Variants in NRG1 observed in about 807,000 individuals in gnomAD.
The protein encoded by NRG1 is pro-neuregulin-1, membrane-bound isoform.
NRG1 carries 18 observed loss-of-function variants against 63.8 expected under a neutral mutation model. That is an observed-to-expected ratio of 0.28 (90% CI 0.19 to 0.42). The LOEUF is 0.42. NRG1 is among the 10% of genes least tolerant of loss of function. The pLI, the probability that NRG1 is intolerant of heterozygous loss-of-function variation, is 1.00. For missense variants in NRG1, 762 were observed against 814.7 expected (o/e 0.94, Z 0.79); for synonymous variants, 302 against 301.3 (o/e 1.00, Z -0.02).
In NRG1 at chr8:32,733,255, A is replaced by G. The variant is rs1824189920; in HGVS notation, c.632+5177A>G. 1.3e-5 allele frequency among the ~76,000 whole-genome samples: 2 copies of G among 152,210 alleles called. 1 individual carries two copies. The highest frequency in any genetic ancestry group is 4.1e-4 in the South Asian group (2 of 4,834). ...CCTTATAATGCAAAAACAACAAAAA[A>G]CAAACTAAATTTGGAAAGATGGAAG... On this transcript the variant is annotated intron_variant, in intron 6 of 11. Coordinates refer to ENST00000356819, the Ensembl canonical transcript of NRG1.
At chr8:32,605,572 C>T in exon 3 of NRG1, 1 of 1,613,224 alleles carries the variant, frequency 6.2e-7, no homozygotes, top group Non-Finnish European at 8.5e-7. Flanking sequence ...GAAGTCAGAA[C>T]TTCGCATTAA....
chr8:31,761,981 T>A (rs2131522572), intron 1 of NRG1, among the ~76,000 whole-genome samples: 1 of 152,326 alleles, frequency 6.6e-6, no homozygotes, highest in African/African-American at 2.4e-5. Flanking sequence ...CACCATTATG[T>A]CTTCTGTGAA....
At position 31,903,209 on chromosome 8, in the gene NRG1, C is replaced by T. The variant is rs144847516; in HGVS notation, c.37+263778C>T. Among the ~76,000 whole-genome samples, 1,220 of 139,818 alleles carry T rather than the reference C, an allele frequency of 8.7e-3. 8 individuals are homozygous for T. The highest frequency in any genetic ancestry group is 0.05 in the Middle Eastern group (11 of 218). 91.7% of individuals were successfully genotyped at this position (139,818 alleles called of 152,430 possible). ...TGTTGCCCAGGCTGAAGTGCAGTGG[C>T]GCAATCTCGGCTCACTGCAAGCTCT... On this transcript the variant is annotated intron_variant, in intron 1 of 10. Coordinates refer to the NRG1 transcript ENST00000519301.
rs560821644 is a variant in NRG1, at chr8:32,721,782, C to T, written c.503-6167C>T. On this transcript the variant is annotated intron_variant, in intron 5 of 11. Transcript: ENST00000356819. ...AACCTTTCCTTTGGAAAACTAATGA[C>T]TCCACCTATCATTCCCTTGGCATCT... 63 of 1,220,266 alleles carry T rather than the reference C, an allele frequency of 5.2e-5. 1 individual carries two copies. The African/African-American group carries it at 8.3e-4, about 16-fold the overall frequency. The allele number at this position is 1,220,266 out of a possible 1,614,324, so 75.6% of individuals were successfully genotyped here.
chr8:32,039,184 C>A (rs1819537632), intron 1 of NRG1, among the ~76,000 whole-genome samples: 1 of 152,060 alleles, frequency 6.6e-6, no homozygotes, highest in Non-Finnish European at 1.5e-5. Flanking sequence ...TAATAATAAT[C>A]CACAGGCTTA....
intron 1 of NRG1, among the ~76,000 whole-genome samples, chr8:32,015,117 A>G (rs1337692387): frequency 6.6e-6 from 1 of 152,128 alleles, no homozygotes; most frequent in African/African-American, 2.4e-5. Flanking sequence ...TAGTGCTTGT[A>G]ATGTCAGCCC....
chr8:32,339,996 C>T (rs1803850853), intron 1 of NRG1, among the ~76,000 whole-genome samples: 1 of 151,982 alleles, frequency 6.6e-6, no homozygotes, highest in Admixed American at 6.6e-5. Flanking sequence ...GGAATGACTG[C>T]AAGATAACTT....
chr8:32,315,728 C>T (rs540062070), intron 1 of NRG1, among the ~76,000 whole-genome samples: 48 of 152,296 alleles, frequency 3.2e-4, no homozygotes, highest in Middle Eastern at 3.4e-3. Context: ...TGTAACTCTA[C>T]GTGATGTGTG....
chr8:31,881,733 C>T (rs780126972), intron 1 of NRG1, among the ~76,000 whole-genome samples: 1 of 152,110 alleles, frequency 6.6e-6, no homozygotes, highest in Non-Finnish European at 1.5e-5. Context: ...ATTCTAATTG[C>T]TGATATGGAG....
At chr8:32,548,575 A>C in exon 1 of NRG1, 1 of 1,295,192 alleles carries the variant, frequency 7.7e-7, no homozygotes, top group East Asian at 3.2e-5. Flanking sequence ...CCTGCAGGCA[A>C]CGGGAGACGC....
intron 1 of NRG1, among the ~76,000 whole-genome samples, chr8:31,819,456 C>T (rs1313200966): frequency 1.3e-5 from 2 of 152,144 alleles, no homozygotes; most frequent in African/African-American, 4.8e-5. Context: ...AAATAACATA[C>T]ATTTTATGGC....
intron 1 of NRG1, among the ~76,000 whole-genome samples, chr8:32,203,279 A>G (rs1397350791): frequency 6.6e-6 from 1 of 150,490 alleles, no homozygotes; most frequent in Non-Finnish European, 1.5e-5. Flanking sequence ...AGAAGAAGAA[A>G]GGAAGAGAGA....
chr8:32,546,334 T>A (rs570740460), upstream of NRG1, among the ~76,000 whole-genome samples: 1 of 152,114 alleles, frequency 6.6e-6, no homozygotes, highest in African/African-American at 2.4e-5. Context: ...GAAAATCTTA[T>A]TTTTTAAAAA....
intron 1 of NRG1, among the ~76,000 whole-genome samples, chr8:31,947,016 T>TA (rs1802650497): frequency 6.6e-6 from 1 of 152,062 alleles, no homozygotes; most frequent in Non-Finnish European, 1.5e-5. Context: ...AAAGAATGGA[T>TA]ATGGCCGGGC....
chr8:31,709,707 A>C (rs1811545656), intron 1 of NRG1, among the ~76,000 whole-genome samples: 1 of 152,002 alleles, frequency 6.6e-6, no homozygotes, highest in Admixed American at 6.5e-5. Flanking sequence ...AAAATTACAT[A>C]TCTCATCCAG....
In NRG1 at chr8:31,836,375, G is replaced by T. The variant is rs183869929; in HGVS notation, c.37+196944G>T. Among the ~76,000 whole-genome samples the T allele has an allele frequency of 7.9e-5, 12 of 152,096 alleles. No individual in the cohort carries two copies. The East Asian group carries it at 1.5e-3, about 20-fold the overall frequency. On this transcript the variant is annotated intron_variant, in intron 1 of 10. Coordinates refer to the NRG1 transcript ENST00000519301. ...CATATATTGACGTCTTTACATATTTGTTGGGAGCAAAAGAGTTGAAAGTAA... is the reference window on the plus strand; with the variant it reads ...CATATATTGACGTCTTTACATATTTTTTGGGAGCAAAAGAGTTGAAAGTAA...
intron 9 of NRG1, among the ~76,000 whole-genome samples, 194 bp downstream of exon 9, chr8:32,756,723 C>G (rs1298095325): frequency 6.6e-6 from 1 of 152,160 alleles, no homozygotes; most frequent in Non-Finnish European, 1.5e-5. Context: ...AAAATCAGCA[C>G]ATTTCCTCTT....
chr8:31,697,342 A>T (rs1810176881), intron 1 of NRG1, among the ~76,000 whole-genome samples: 1 of 152,148 alleles, frequency 6.6e-6, no homozygotes, highest in Admixed American at 6.6e-5. Context: ...AGGTGTCTGT[A>T]GTCTAGTTGT....
chr8:31,784,499 C>CTCAT, intron 1 of NRG1, among the ~76,000 whole-genome samples: 1 of 152,140 alleles, frequency 6.6e-6, no homozygotes, highest in South Asian at 2.1e-4. Flanking sequence ...GAGAATTTGC[C>CTCAT]GAGTTTCAAT....
Sources: allele counts gnomAD v4.1 joint callset (sites outside exome capture counted in the v4.1 genomes callset), GRCh38; gene constraint gnomAD v4.1.1; transcripts MANE v1.5; gene names NCBI Gene and HGNC (gene_info 2026-07-23, HGNC 2026-07-21).